Variants in NYAP2 observed in about 807,000 individuals in gnomAD.
The protein encoded by NYAP2 is neuronal tyrosine-phosphorylated phosphoinositide-3-kinase adapter 2.
A neutral mutation model predicts 50.4 loss-of-function variants in NYAP2; 23 were observed. That is an observed-to-expected ratio of 0.46 (90% CI 0.33 to 0.65). The LOEUF is 0.65. NYAP2 is among the 30% of genes least tolerant of loss of function. NYAP2 has a pLI of 0.02. For missense variants in NYAP2, 885 were observed against 861.0 expected, an observed-to-expected ratio of 1.03 and a Z score of -0.35; for synonymous variants, 394 against 365.2, an observed-to-expected ratio of 1.08 and a Z score of -0.90.
At chr2:225,537,699 T>C (rs376285019) in intron 4 of NYAP2, among the ~76,000 whole-genome samples, 1 of 152,144 alleles carries the variant, frequency 6.6e-6, no homozygotes, top group Non-Finnish European at 1.5e-5. Context: ...CCAAATCTCA[T>C]GTCCTCACAT....
intron 3 of NYAP2, among the ~76,000 whole-genome samples, chr2:225,454,085 A>T (rs1254002660): frequency 6.6e-6 from 1 of 152,128 alleles, no homozygotes; most frequent in Non-Finnish European, 1.5e-5. Context: ...ACACTTTGGG[A>T]GGTCAAGGTG....
At chr2:225,682,004 A>G in the NYAP2 span, among the ~76,000 whole-genome samples, 1 of 152,128 alleles carries the variant, frequency 6.6e-6, no homozygotes, top group Non-Finnish European at 1.5e-5. Context: ...TTAGCATTTC[A>G]ATTATTATTA....
At chr2:225,504,236 C>T (rs906787196) in intron 3 of NYAP2, among the ~76,000 whole-genome samples, 4 of 152,252 alleles carry the variant, frequency 2.6e-5, no homozygotes, top group South Asian at 4.1e-4. Flanking sequence ...GGTCCTGCTT[C>T]GTGGTTCATT....
intron 4 of NYAP2, among the ~76,000 whole-genome samples, chr2:225,526,768 ACT>A (rs1446643535): frequency 6.6e-6 from 1 of 152,164 alleles, no homozygotes; most frequent in African/African-American, 2.4e-5. Context: ...TTGAAAGCAA[ACT>A]CTCAAAATCT....
At chr2:225,505,215 A>G (rs1312096368) in intron 3 of NYAP2, among the ~76,000 whole-genome samples, 1 of 152,200 alleles carries the variant, frequency 6.6e-6, no homozygotes, top group Non-Finnish European at 1.5e-5. Context: ...AGAAGTATCA[A>G]TAAAGAGCCA....
Position 225,534,835 on chromosome 2 carries a change from C to T in NYAP2, c.523+21163C>T, listed in dbSNP as rs540614607. On this transcript the variant is annotated intron_variant, in intron 4 of 6. Coordinates refer to ENST00000636099, the Ensembl canonical transcript of NYAP2. ...AAGATACAAGGAGCAGCCACTAACT[C>T]CCAGGGCTGAGTCAGAGTAGCCTCT... Among the ~76,000 whole-genome samples the T allele has an allele frequency of 2.6e-5, 4 of 152,312 alleles. No individual in the cohort carries two copies. The South Asian group carries it at 8.3e-4, about 32-fold the overall frequency.
chr2:225,643,678 G>A (rs1242730697), intron 6 of NYAP2, among the ~76,000 whole-genome samples: 1 of 151,224 alleles, frequency 6.6e-6, no homozygotes, highest in Non-Finnish European at 1.5e-5. Flanking sequence ...CCACCTATGA[G>A]TGAGAATATG....
intron 3 of NYAP2, among the ~76,000 whole-genome samples, chr2:225,411,195 A>G (rs541464574): frequency 2.8e-4 from 42 of 152,254 alleles, no homozygotes; most frequent in Non-Finnish European, 7.4e-5. Flanking sequence ...TGATAGCAGT[A>G]AAGGTGGTGT....
upstream of NYAP2, among the ~76,000 whole-genome samples, chr2:225,398,408 G>A (rs958064932): frequency 6.6e-6 from 1 of 151,852 alleles, no homozygotes; most frequent in Non-Finnish European, 1.5e-5. Context: ...AAGTGTTTCC[G>A]TTTTCTAAAA....
chr2:225,483,761 T>C (rs1690246423), intron 3 of NYAP2, among the ~76,000 whole-genome samples: 3 of 152,358 alleles, frequency 2.0e-5, no homozygotes, highest in East Asian at 1.9e-4. Flanking sequence ...AATTTGATGA[T>C]ATAATTGCTA....
At chr2:225,534,793 A>G (rs903080827) in intron 4 of NYAP2, among the ~76,000 whole-genome samples, 1 of 152,214 alleles carries the variant, frequency 6.6e-6, no homozygotes, top group African/African-American at 2.4e-5. Flanking sequence ...AGCAAGCTGC[A>G]AATAATACAA....
the NYAP2 span, among the ~76,000 whole-genome samples, chr2:225,675,655 C>T: frequency 1.3e-4 from 20 of 152,232 alleles, no homozygotes; most frequent in Admixed American, 3.9e-4. Context: ...TGTGGGTATA[C>T]ACCCAGTAGT....
At chr2:225,452,531 C>T (rs1021266811) in intron 3 of NYAP2, among the ~76,000 whole-genome samples, 1 of 152,150 alleles carries the variant, frequency 6.6e-6, no homozygotes, top group African/African-American at 2.4e-5. Flanking sequence ...TCTGTAACTT[C>T]TTCACATAGG....
intron 4 of NYAP2, among the ~76,000 whole-genome samples, chr2:225,521,908 C>T (rs1378833826): frequency 6.6e-6 from 1 of 152,170 alleles, no homozygotes; most frequent in Admixed American, 6.5e-5. Context: ...TGGTCCTGGA[C>T]TCTTTTTTGT....
chr2:225,427,928 C>T (rs1268844397), intron 3 of NYAP2, among the ~76,000 whole-genome samples: 1 of 152,146 alleles, frequency 6.6e-6, no homozygotes, highest in Non-Finnish European at 1.5e-5. Flanking sequence ...AACAATGACT[C>T]TCCTTCCTCC....
intron 6 of NYAP2, among the ~76,000 whole-genome samples, chr2:225,647,117 A>T (rs1422722385): frequency 6.6e-6 from 1 of 152,086 alleles, no homozygotes; most frequent in African/African-American, 2.4e-5. Context: ...AAAAATCTCT[A>T]TAGTAAATAA....
chr2:225,546,272 G>T (rs1018446248), intron 4 of NYAP2, among the ~76,000 whole-genome samples: 58 of 152,074 alleles, frequency 3.8e-4, no homozygotes, highest in Non-Finnish European at 7.4e-5. Flanking sequence ...CCTTCAGGGC[G>T]ACAAGTTCCG....
chr2:225,435,066 A>G (rs540373432), intron 3 of NYAP2, among the ~76,000 whole-genome samples: 1 of 152,248 alleles, frequency 6.6e-6, no homozygotes, highest in African/African-American at 2.4e-5. Context: ...CTCTTCCTGC[A>G]TTTTGACCCA....
intron 6 of NYAP2, among the ~76,000 whole-genome samples, chr2:225,628,504 A>T (rs1399194799): frequency 6.6e-6 from 1 of 151,610 alleles, no homozygotes; most frequent in East Asian, 1.9e-4. Flanking sequence ...TGTATTTTTA[A>T]TAGAGACGGG....
Sources: gnomAD v4.1 joint callset for allele counts (sites outside exome capture counted in the v4.1 genomes callset) on GRCh38, gnomAD v4.1.1 for gene constraint, MANE v1.5 for transcripts, NCBI Gene and HGNC (gene_info 2026-07-23, HGNC 2026-07-21) for gene names.